Variants in ANK3 observed in about 807,000 individuals in gnomAD.
The protein encoded by ANK3 is ankyrin-3.
ANK3 carries 57 observed loss-of-function variants against 370.9 expected under a neutral mutation model. That is an observed-to-expected ratio of 0.15 (90% CI 0.12 to 0.19). The LOEUF is 0.19. ANK3 is among the 10% of genes least tolerant of loss of function. ANK3 has a pLI of 1.00. For synonymous variants in ANK3, 1,929 were observed against 1,946.3 expected (o/e 0.99, Z 0.23); for missense variants, 4,439 against 5,302.1 (o/e 0.84, Z 5.06).
chr10:60,355,217 T>C (rs1480348856), intron 1 of ANK3, among the ~76,000 whole-genome samples: 1 of 152,220 alleles, frequency 6.6e-6, no homozygotes. Context: ...ACATTTCTCA[T>C]AATTTTCAAG....
At chr10:60,467,027 C>A (rs1446589382) in intron 2 of ANK3, among the ~76,000 whole-genome samples, 3 of 151,962 alleles carry the variant, frequency 2.0e-5, no homozygotes, top group Admixed American at 1.3e-4. Context: ...TGTAAACATA[C>A]TAAAAACCAC....
At chr10:60,297,633 C>T (rs902128210) in intron 1 of ANK3, among the ~76,000 whole-genome samples, 9 of 151,956 alleles carry the variant, frequency 5.9e-5, no homozygotes, top group Non-Finnish European at 8.8e-5. Context: ...AATGTCTTAA[C>T]ATTATAAAGA....
At chr10:60,478,187 C>CAT (rs1387940237) in intron 2 of ANK3, among the ~76,000 whole-genome samples, 3 of 152,020 alleles carry the variant, frequency 2.0e-5, no homozygotes, top group Non-Finnish European at 4.4e-5. Flanking sequence ...CAACAATTAA[C>CAT]ATTTTTAAGA....
chr10:60,037,959 A>G (rs2075395145), intron 43 of ANK3, among the ~76,000 whole-genome samples: 5 of 152,142 alleles, frequency 3.3e-5, no homozygotes, highest in Admixed American at 2.6e-4. Flanking sequence ...AGCACCTGTT[A>G]TTTTTTGAGT....
At chr10:60,169,307 T>C (rs564283294) in intron 21 of ANK3, among the ~76,000 whole-genome samples, 1 of 151,848 alleles carries the variant, frequency 6.6e-6, no homozygotes, top group South Asian at 2.1e-4. Context: ...TTTGATGACC[T>C]TGACAGTTTT....
intron 2 of ANK3, among the ~76,000 whole-genome samples, chr10:60,518,176 C>T (rs2076267027): frequency 6.6e-6 from 1 of 152,102 alleles, no homozygotes; most frequent in Non-Finnish European, 1.5e-5. Context: ...TTGTTCCATG[C>T]TGCCAGAAGT....
chr10:60,473,370 T>C (rs2065262552), intron 2 of ANK3, among the ~76,000 whole-genome samples: 1 of 152,218 alleles, frequency 6.6e-6, no homozygotes, highest in African/African-American at 2.4e-5. Context: ...ATCCAGGATA[T>C]AAATCTATTT....
chr10:60,117,705 T>C (rs2093197629), intron 25 of ANK3, among the ~76,000 whole-genome samples: 1 of 151,712 alleles, frequency 6.6e-6, no homozygotes. Context: ...GTAATCCCAG[T>C]TGGGAGGCTG....
intron 25 of ANK3, among the ~76,000 whole-genome samples, chr10:60,131,868 G>C (rs762197234): frequency 1.3e-5 from 2 of 152,152 alleles, no homozygotes; most frequent in Non-Finnish European, 2.9e-5. Context: ...CCCATAGCAA[G>C]TTAATATGCA....
intron 2 of ANK3, among the ~76,000 whole-genome samples, chr10:60,406,517 T>G (rs2063459692): frequency 6.6e-6 from 1 of 152,194 alleles, no homozygotes; most frequent in South Asian, 2.1e-4. Context: ...ACAATAGGGT[T>G]TGTGCTCCTC....
intron 2 of ANK3, among the ~76,000 whole-genome samples, chr10:60,597,999 A>G (rs1463330974): frequency 6.6e-6 from 1 of 152,200 alleles, no homozygotes; most frequent in Admixed American, 6.6e-5. Context: ...GATGCTAAAG[A>G]ATATTCAATA....
chr10:60,125,372 G>A (rs1221864606), intron 25 of ANK3, among the ~76,000 whole-genome samples: 3 of 152,140 alleles, frequency 2.0e-5, no homozygotes, highest in Non-Finnish European at 4.4e-5. Flanking sequence ...AAAACTAACT[G>A]CACTACCTTA....
chr10:60,125,619 C>G lies in ANK3; in HGVS notation c.2841+8652G>C, dbSNP rs184411962. 2.1e-3 allele frequency among the ~76,000 whole-genome samples: 313 copies of G among 152,224 alleles called. 7 individuals carry two copies. Among genetic ancestry groups the G allele is most frequent in the Non-Finnish European group, 9.3e-4 (63 of 67,996 alleles). ...TGCCACCATGCACGTTTCTGAGCAC[C>G]CCCCTTAGAAATTAGCTTATGTGAA... On this transcript the variant is annotated intron_variant, in intron 25 of 43. Transcript: ENST00000280772.
rs2079068196 is a variant in ANK3 at position 60,671,888 on chromosome 10, C to A, written c.58-56664G>T. Among the ~76,000 whole-genome samples the A allele has an allele frequency of 2.0e-5, 3 of 152,330 alleles. No homozygotes were observed. In the South Asian group the frequency reaches 6.2e-4, roughly 32 times the overall value. ...GCCTCCTGCAAAAGATCAGCACTGG[C>A]TTGCCAGGCTTACAAACAAGCTTCT... is the stretch of plus-strand genomic sequence containing the variant. On this transcript the variant is annotated intron_variant, in intron 1 of 43. Transcript: ENST00000373827.
chr10:60,553,206 C>T (rs1454519134), intron 2 of ANK3, among the ~76,000 whole-genome samples: 1 of 152,148 alleles, frequency 6.6e-6, no homozygotes. Context: ...AGAGAAGATA[C>T]TAGGCTTTGG....
At position 60,028,067 on chromosome 10, in the gene ANK3, T is replaced by A. The variant is rs1243032537; in HGVS notation, c.*1779A>T. The A allele has an allele frequency of 6.6e-6, 1 of 152,242 alleles. No homozygotes were observed. The highest frequency in any genetic ancestry group is 6.5e-5 in the Admixed American group (1 of 15,286). 9.4% of individuals were successfully genotyped at this position (152,242 alleles called of 1,614,324 possible). On this transcript the variant is annotated 3_prime_UTR_variant, in exon 44 of 44. Transcript: ENST00000280772. Reference sequence around the variant, plus strand: ...CAAAACAAAAACAAGCTCTGTGGGCTAAAAGCAACTGCATGTTGATGGTTC... The same window carrying A: ...CAAAACAAAAACAAGCTCTGTGGGCAAAAAGCAACTGCATGTTGATGGTTC...
intron 2 of ANK3, among the ~76,000 whole-genome samples, chr10:60,431,524 A>T (rs2064023305): frequency 6.6e-6 from 1 of 152,190 alleles, no homozygotes; most frequent in South Asian, 2.1e-4. Context: ...GGACCCCCGA[A>T]GTAAAGTATT....
chr10:60,676,850 C>T, intron 1 of ANK3, among the ~76,000 whole-genome samples: 1 of 152,020 alleles, frequency 6.6e-6, no homozygotes, highest in Admixed American at 6.5e-5. Flanking sequence ...CTACAGTTAA[C>T]AATAATTTAT....
chr10:60,143,211 G>GTAATCAC (rs10623867), intron 23 of ANK3, among the ~76,000 whole-genome samples: 148,580 of 152,184 alleles, frequency 0.98, 72,625 homozygotes, highest in East Asian at 1. Flanking sequence ...ATTGTGTTAG[G>GTAATCAC]AAAATTTGTT....
Sources: gnomAD v4.1 joint callset for allele counts (sites outside exome capture counted in the v4.1 genomes callset) on GRCh38, gnomAD v4.1.1 for gene constraint, MANE v1.5 for transcripts, NCBI Gene and HGNC (gene_info 2026-07-23, HGNC 2026-07-21) for gene names.